TEX14: variants seen among roughly 807,000 people sequenced by gnomAD.
TEX14 encodes inactive serine/threonine-protein kinase TEX14.
Under a neutral mutation model 178.6 loss-of-function variants are expected in TEX14, and 168 were observed. The ratio of observed to expected loss-of-function variants is 0.94; its 90% CI spans 0.83 to 1.07. The LOEUF (loss-of-function observed/expected upper bound fraction) is 1.07, where lower values mean the gene tolerates loss of function less well. Among genes scored for constraint, TEX14 ranks in the 50% least tolerant of loss-of-function variants. The probability of loss-of-function intolerance (pLI) is 0.00; values close to 1 mark genes in which losing one functional copy is unlikely to be tolerated. For missense variants in TEX14, 1,730 were observed against 1,753.6 expected, an observed-to-expected ratio of 0.99 and a Z score of 0.24; for synonymous variants, 626 against 634.1, an observed-to-expected ratio of 0.99 and a Z score of 0.19.
At chr17:58,579,199 T>C (rs766338757) in intron 20 of TEX14, among the ~76,000 whole-genome samples, 4 of 152,242 alleles carry the variant, frequency 2.6e-5, no homozygotes, top group Non-Finnish European at 4.4e-5. Flanking sequence ...AACTCTTTGC[T>C]AAGATGCTAA....
chr17:58,600,971 G>C (rs1215710373), intron 13 of TEX14, among the ~76,000 whole-genome samples: 1 of 152,118 alleles, frequency 6.6e-6, no homozygotes, highest in East Asian at 1.9e-4. Flanking sequence ...AAAATTGGTT[G>C]GGCAAAGTGG....
intron 1 of TEX14, among the ~76,000 whole-genome samples, chr17:58,683,511 C>A (rs2047536842): frequency 6.6e-6 from 1 of 152,038 alleles, no homozygotes; most frequent in Admixed American, 6.6e-5. Flanking sequence ...GCCTGTAATC[C>A]CAGCACTTTG....
intron 29 of TEX14, among the ~76,000 whole-genome samples, chr17:58,560,146 G>C (rs1284758630): frequency 1.3e-5 from 2 of 152,018 alleles, no homozygotes; most frequent in Non-Finnish European, 2.9e-5. Flanking sequence ...CCTCTTTGTG[G>C]TACCTCTAGC....
chr17:58,612,468 C>T (rs1485390720), intron 9 of TEX14, among the ~76,000 whole-genome samples: 1 of 151,988 alleles, frequency 6.6e-6, no homozygotes, highest in Admixed American at 6.6e-5. Flanking sequence ...GGTGCAGTGG[C>T]TCAAGCCTGA....
intron 26 of TEX14, among the ~76,000 whole-genome samples, chr17:58,566,798 C>CA (rs755657065): frequency 0.039 from 2,553 of 64,978 alleles, 37 homozygotes; most frequent in Middle Eastern, 0.07. Context: ...GACTCTGTCT[C>CA]AAAAAAAAAA....
chr17:58,631,766 C>T (rs1004235530), intron 2 of TEX14: 4 of 152,062 alleles, frequency 2.6e-5, no homozygotes, highest in South Asian at 2.1e-4. Context: ...TCGCGGTTTC[C>T]AGCGTTCTAC....
intron 10 of TEX14, among the ~76,000 whole-genome samples, chr17:58,606,880 T>C (rs573882426): frequency 7.9e-5 from 12 of 151,408 alleles, no homozygotes; most frequent in African/African-American, 2.7e-4. Context: ...ACACAAAAAT[T>C]AGCTGGGCAT....
intron 10 of TEX14, among the ~76,000 whole-genome samples, chr17:58,605,711 T>C (rs2045591404): frequency 6.6e-6 from 1 of 152,214 alleles, no homozygotes; most frequent in African/African-American, 2.4e-5. Context: ...CCACAGATCC[T>C]AGAATGACTA....
At chr17:58,615,904 C>T in intron 7 of TEX14, among the ~76,000 whole-genome samples, 1 of 152,204 alleles carries the variant, frequency 6.6e-6, no homozygotes, top group Non-Finnish European at 1.5e-5. Flanking sequence ...GTTGTCACAG[C>T]TGTGGGGGCT....
At position 58,602,498 on chromosome 17, in the gene TEX14, G is replaced by C. The variant is rs368500542; in HGVS notation, c.1429C>G (p.Pro477Ala). ...CCTGACTTAACAATATCATAGTAAG[G>C]TTTCGGAAGCCTGACATCAGCTTCT... Reference protein sequence around the residue: ...YLEADVRLPKPYYDIVKSGIH... With the variant: ...YLEADVRLPKAYYDIVKSGIH... The change falls in exon 12 of 32, where the codon CCT becomes GCT. Residue 477 changes from proline (P) to alanine (A), a missense_variant. Pro to Ala is a conservative substitution (Grantham distance 27). Around this residue, in one of 2 missense-constraint regions of TEX14, gnomAD observed 789 missense variants for 681.2 expected, o/e 1.16. Coordinates refer to ENST00000349033, the MANE Select transcript of TEX14 (RefSeq NM_031272.5). 2 of 1,613,850 alleles carry C rather than the reference G, an allele frequency of 1.2e-6. No homozygotes were observed. Among genetic ancestry groups the C allele is most frequent in the Admixed American group, 1.7e-5 (1 of 59,952 alleles).
At chr17:58,572,297 A>G (rs2044551651) in intron 23 of TEX14, among the ~76,000 whole-genome samples, 171 bp from the exon 24 acceptor site, 1 of 152,140 alleles carries the variant, frequency 6.6e-6, no homozygotes, top group Non-Finnish European at 1.5e-5. Flanking sequence ...ATCCAAACCC[A>G]CAAACCTATA....
intron 2 of TEX14, among the ~76,000 whole-genome samples, chr17:58,638,234 C>T (rs1267710452): frequency 1.3e-5 from 2 of 151,440 alleles, no homozygotes; most frequent in Admixed American, 1.3e-4. Flanking sequence ...ATAGGCTGGA[C>T]GTGGTATCTC....
At chr17:58,643,019 C>A (rs991949201) in intron 2 of TEX14, among the ~76,000 whole-genome samples, 10 of 152,222 alleles carry the variant, frequency 6.6e-5, no homozygotes, top group Non-Finnish European at 1.5e-4. Flanking sequence ...TCTTTAAAAG[C>A]AGAAACATGT....
intron 23 of TEX14, among the ~76,000 whole-genome samples, chr17:58,572,624 T>A (rs1252404889): frequency 1.4e-5 from 2 of 147,688 alleles, no homozygotes; most frequent in African/African-American, 5.0e-5. Context: ...AGAGTGAGAC[T>A]CTGTCTTTAA....
In TEX14 at chr17:58,621,749, T is replaced by C; in HGVS notation, c.455A>G (p.Gln152Arg). The C allele has an allele frequency of 1.9e-6, 3 of 1,614,186 alleles. No individual in the cohort carries two copies. Among genetic ancestry groups the C allele is most frequent in the Middle Eastern group, 1.6e-4 (1 of 6,062 alleles). The change falls in exon 5 of 32, where the codon CAG becomes CGG. Residue 152 changes from glutamine to arginine, a missense_variant. By Grantham distance (43) the Gln-to-Arg change is conservative. This residue lies in a region of TEX14 where 789 missense variants were observed against 681.2 expected (regional missense o/e 1.16). Coordinates refer to ENST00000349033, the MANE Select transcript of TEX14 (RefSeq NM_031272.5). ...EFMQRCASHM[Q>R]AIIQGFSYDL... ...GTAAGAGAAGCCCTGGATGATGGCCTGCATGTGTGAGGCACAGCGCTGCAT... is the reference window on the plus strand; with the variant it reads ...GTAAGAGAAGCCCTGGATGATGGCCCGCATGTGTGAGGCACAGCGCTGCAT...
chr17:58,631,931 T>G (rs755359715), intron 2 of TEX14: 1 of 152,252 alleles, frequency 6.6e-6, no homozygotes, highest in Admixed American at 6.5e-5. Flanking sequence ...CTCGAAAATA[T>G]TACTATGTGT....
intron 20 of TEX14, among the ~76,000 whole-genome samples, chr17:58,578,766 G>A (rs1214246526): frequency 1.3e-5 from 2 of 152,206 alleles, no homozygotes; most frequent in Non-Finnish European, 2.9e-5. Context: ...ATATTATGCT[G>A]AGACTTTAAG....
At chr17:58,626,713 A>G (rs2046152203) in intron 3 of TEX14, among the ~76,000 whole-genome samples, 1 of 152,068 alleles carries the variant, frequency 6.6e-6, no homozygotes, top group South Asian at 2.1e-4. Context: ...AAAACTAAAA[A>G]TACAAAAATT....
chr17:58,565,891 A>T (rs1408003680), intron 26 of TEX14, 67 bp from the exon 27 acceptor site: 2 of 1,284,688 alleles, frequency 1.6e-6, no homozygotes, highest in Non-Finnish European at 2.2e-6. Context: ...TCTCTAGAGC[A>T]GTGGTTCTCC....
Sources: gnomAD v4.1 joint callset for allele counts (sites outside exome capture counted in the v4.1 genomes callset) on GRCh38, gnomAD v4.1.1 for gene constraint, gnomAD v4.1.1 regional missense constraint, MANE v1.5 for transcripts, NCBI Gene and HGNC (gene_info 2026-07-23, HGNC 2026-07-21) for gene names.